PHLDB2: variants seen among roughly 807,000 people sequenced by gnomAD.
PHLDB2 encodes pleckstrin homology like domain family B member 2.
PHLDB2 carries 71 observed loss-of-function variants against 123.6 expected under a neutral mutation model. The ratio of observed to expected loss-of-function variants is 0.57; its 90% CI spans 0.47 to 0.70. The LOEUF (loss-of-function observed/expected upper bound fraction) is 0.70, where lower values mean the gene tolerates loss of function less well. Ranked by LOEUF, PHLDB2 falls within the 30% of genes least tolerant of loss-of-function variation. The pLI is 0.00. For synonymous variants in PHLDB2, 547 were observed against 541.6 expected, an observed-to-expected ratio of 1.01 and a Z score of -0.14; for missense variants, 1,446 against 1,519.5, an observed-to-expected ratio of 0.95 and a Z score of 0.80.
chr3:111,895,069 G>C (rs2066747162), intron 2 of PHLDB2, among the ~76,000 whole-genome samples: 1 of 151,468 alleles, frequency 6.6e-6, no homozygotes, highest in Admixed American at 6.6e-5. Context: ...AAAAAAAAAC[G>C]GTTGTCATAC....
At chr3:111,950,196 G>A (rs1317193292) in intron 10 of PHLDB2, among the ~76,000 whole-genome samples, 2 of 152,064 alleles carry the variant, frequency 1.3e-5, no homozygotes, top group African/African-American at 4.8e-5. Flanking sequence ...CAAAATACTA[G>A]CAAGCATTTC....
At chr3:111,811,453 C>T (rs892666462) in intron 1 of PHLDB2, among the ~76,000 whole-genome samples, 8 of 152,022 alleles carry the variant, frequency 5.3e-5, no homozygotes, top group African/African-American at 1.9e-4. Flanking sequence ...TAGATTAGGC[C>T]AGTGAGTGTC....
intron 1 of PHLDB2, among the ~76,000 whole-genome samples, chr3:111,882,125 C>A (rs1008041437): frequency 6.6e-6 from 1 of 152,112 alleles, no homozygotes; most frequent in African/African-American, 2.4e-5. Flanking sequence ...ACAATATTCT[C>A]TCATGATGTA....
Position 111,866,014 on chromosome 3 carries a change from A to ATCTTT in PHLDB2, c.-15+6439_-15+6440insCTTTT, listed in dbSNP as rs745656795. On this transcript the variant is annotated intron_variant, in intron 1 of 17. Coordinates refer to ENST00000431670, the MANE Select transcript of PHLDB2 (RefSeq NM_001134438.2). ...TTTTAGAAACCTACCCCACCCACTC[A>ATCTTT]TTTTTTTTTTTTTTTTTTTTTTTTG... Among the ~76,000 whole-genome samples the ATCTTT allele has an allele frequency of 5.2e-5, 3 of 57,416 alleles. No individual in the cohort carries two copies. The East Asian group carries it at 2.6e-3, about 49-fold the overall frequency. The allele number at this position is 57,416 out of a possible 152,430, so 37.7% of individuals were successfully genotyped here.
intron 6 of PHLDB2, among the ~76,000 whole-genome samples, chr3:111,933,877 A>G (rs539002297): frequency 6.6e-6 from 1 of 152,302 alleles, no homozygotes; most frequent in Admixed American, 6.5e-5. Flanking sequence ...GCATAGTTGT[A>G]TATTTTGTCC....
At chr3:111,813,843 G>A (rs886138754) in intron 1 of PHLDB2, among the ~76,000 whole-genome samples, 1 of 152,152 alleles carries the variant, frequency 6.6e-6, no homozygotes, top group African/African-American at 2.4e-5. Context: ...CAAAAAACTG[G>A]GGATGCTTTT....
At chr3:111,931,403 A>G (rs1356441623) in intron 5 of PHLDB2, among the ~76,000 whole-genome samples, 1 of 152,186 alleles carries the variant, frequency 6.6e-6, no homozygotes, top group Non-Finnish European at 1.5e-5. Context: ...ACTGTATTAG[A>G]GTATTTGCCT....
intron 1 of PHLDB2, among the ~76,000 whole-genome samples, chr3:111,781,368 T>G (rs1248841559): frequency 1.3e-5 from 2 of 152,028 alleles, no homozygotes; most frequent in Non-Finnish European, 2.9e-5. Context: ...TCTCCCATCC[T>G]TCTTTATCCC....
At chr3:111,766,635 A>G (rs1044342585) in intron 1 of PHLDB2, among the ~76,000 whole-genome samples, 1 of 152,036 alleles carries the variant, frequency 6.6e-6, no homozygotes, top group Non-Finnish European at 1.5e-5. Flanking sequence ...TTTTTACAAC[A>G]TGGGATAAAT....
In PHLDB2 at chr3:111,852,650, C is replaced by T. The variant is rs151138693; in HGVS notation, c.67+6715C>T. 5.9e-3 allele frequency among the ~76,000 whole-genome samples: 894 copies of T among 151,990 alleles called. 17 individuals are homozygous for T. The highest frequency in any genetic ancestry group is 0.01 in the East Asian group (54 of 5,168). ...TAAGCAGATAAGATACAGAGAAACT[C>T]CTTGTTTTAAGCCCACTACGCAGGC... On this transcript the variant is annotated intron_variant, in intron 2 of 17. Transcript: ENST00000393923.
At chr3:111,889,710 G>A (rs2066370799) in intron 2 of PHLDB2, among the ~76,000 whole-genome samples, 1 of 152,084 alleles carries the variant, frequency 6.6e-6, no homozygotes, top group South Asian at 2.1e-4. Flanking sequence ...ATTAAAATAA[G>A]CACATTTAAA....
At position 111,884,880 on chromosome 3, in the gene PHLDB2, C is replaced by T. The variant is rs1178521899; in HGVS notation, c.803C>T (p.Thr268Ile). 6.2e-7 allele frequency: 1 copy of T among 1,614,062 alleles called. No individual in the cohort carries two copies. The highest frequency in any genetic ancestry group is 1.3e-5 in the African/African-American group (1 of 74,912). ...TACAGAGCCACAGAGAACCAGCTGA[C>T]ACCTCTCAGCTTGCCTCCAAGAAAC... ...RLYRATENQLTPLSLPPRNSL... is the reference protein window; with the variant it reads ...RLYRATENQLIPLSLPPRNSL... The change falls in exon 2 of 18, where the codon ACA becomes ATA. Residue 268 changes from threonine (T) to isoleucine (I), a missense_variant. Coordinates refer to ENST00000431670, the MANE Select transcript of PHLDB2 (RefSeq NM_001134438.2).
intron 1 of PHLDB2, among the ~76,000 whole-genome samples, chr3:111,837,412 A>G (rs2063466268): frequency 1.3e-5 from 2 of 152,120 alleles, no homozygotes; most frequent in South Asian, 4.1e-4. Context: ...AGTGTGTTCT[A>G]TATCAATCTC....
At chr3:111,732,626 T>C in exon 1 of PHLDB2, 1 of 1,535,416 alleles carries the variant, frequency 6.5e-7, no homozygotes, top group Non-Finnish European at 8.7e-7. Context: ...CAGCAATCGC[T>C]GGAACAGCCA....
chr3:111,949,005 CTGCTGA>C lies in PHLDB2; in HGVS notation c.2573_2578del (p.Asp858_Ala859del), dbSNP rs749901234. 1.1e-5 allele frequency: 18 copies of C among 1,613,862 alleles called. No homozygotes were observed. The highest frequency in any genetic ancestry group is 1.4e-5 in the Non-Finnish European group (17 of 1,179,972). On this transcript the variant is annotated inframe_deletion, in exon 10 of 18. Coordinates refer to ENST00000431670, the MANE Select transcript of PHLDB2 (RefSeq NM_001134438.2). The stretch of plus-strand genomic sequence containing the variant: ...AATCTATCCCCTTCCACTCAGTTTC[CTGCTGA>C]TGCTGATGCTGTTGCCACTGAGCCT...
Position 111,966,701 on chromosome 3 carries a change from A to G in PHLDB2, c.3166A>G (p.Arg1056Gly), listed in dbSNP as rs1279646771. Residue 1056 changes from arginine to glycine, a missense_variant and splice_region_variant, in exon 14 of 18, where the codon AGG becomes GGG. Physicochemically the swap from Arg to Gly is moderately radical, Grantham distance 125 (BLOSUM62 -2). This residue lies in a region of PHLDB2 where 594 missense variants were observed against 646.0 expected (regional missense o/e 0.92). Coordinates refer to ENST00000431670, the MANE Select transcript of PHLDB2 (RefSeq NM_001134438.2). ...AGAAAAGACGCGGCTGCTCGAATCC[A>G]GGGTAAGCTTCATATTTTCATGCCG... Reference protein sequence around the residue: ...HAEKTRLLESREREMEAKKRA... With the variant: ...HAEKTRLLESGEREMEAKKRA... 1.9e-6 allele frequency: 3 copies of G among 1,611,580 alleles called. No individual in the cohort carries two copies. The highest frequency in any genetic ancestry group is 3.4e-5 in the Admixed American group (2 of 59,650).
intron 1 of PHLDB2, among the ~76,000 whole-genome samples, chr3:111,830,953 A>AAGAGAG (rs199823136): frequency 0.018 from 1,490 of 83,828 alleles, 77 homozygotes; most frequent in Non-Finnish European, 0.022. Flanking sequence ...GAAAGAAAGA[A>AAGAGAG]AGAGAAAGAA....
intron 1 of PHLDB2, among the ~76,000 whole-genome samples, chr3:111,815,884 T>A (rs537866867): frequency 6.6e-6 from 1 of 152,110 alleles, no homozygotes; most frequent in Admixed American, 6.5e-5. Flanking sequence ...GAAAAAGCAG[T>A]TTTGTGGGTT....
chr3:111,848,858 G>A (rs1282971), intron 2 of PHLDB2, among the ~76,000 whole-genome samples: 149,191 of 152,346 alleles, frequency 0.98, 73,129 homozygotes, highest in East Asian at 1. Flanking sequence ...GTACAGTAGC[G>A]TGCTATATAG....
Sources: gnomAD v4.1 joint callset for allele counts (sites outside exome capture counted in the v4.1 genomes callset) on GRCh38, gnomAD v4.1.1 for gene constraint, gnomAD v4.1.1 regional missense constraint, MANE v1.5 for transcripts, NCBI Gene and HGNC (gene_info 2026-07-23, HGNC 2026-07-21) for gene names.